The following ATRX variants were observed in gnomAD, a reference collection of about 807,000 sequenced individuals.
The protein encoded by ATRX is chromatin remodeler ATRX.
A neutral mutation model predicts 172.6 loss-of-function variants in ATRX; 12 were observed. The ratio of observed to expected loss-of-function variants is 0.07; its 90% CI spans 0.04 to 0.11. The LOEUF is 0.11. Among genes scored for constraint, ATRX ranks in the 10% least tolerant of loss-of-function variants. The pLI is 1.00. For missense variants in ATRX, 1,368 were observed against 1,767.4 expected (o/e 0.77, Z 4.05); for synonymous variants, 674 against 594.7 (o/e 1.13, Z -1.94).
intron 2 of ATRX, among the ~76,000 whole-genome samples, chrX:77,700,366 A>G (rs1438741653): frequency 1.8e-5 from 2 of 111,929 alleles, no homozygotes; most frequent in Non-Finnish European, 3.8e-5. Flanking sequence ...GGAGCAAAAG[A>G]AACTATCATT....
chrX:77,514,843 C>T (rs1257606588), intron 34 of ATRX, among the ~76,000 whole-genome samples: 1 of 112,034 alleles, frequency 8.9e-6, no homozygotes, highest in Non-Finnish European at 1.9e-5. Flanking sequence ...TACAGAATTG[C>T]AGAAAAGTTT....
chrX:77,517,119 T>G (rs782531444), intron 34 of ATRX, among the ~76,000 whole-genome samples: 60 of 106,046 alleles, frequency 5.7e-4, no homozygotes, highest in Admixed American at 5.3e-3. Flanking sequence ...AGTGCGTGCA[T>G]CAGAAAAGAA....
At chrX:77,697,461 A>G in intron 4 of ATRX, 122 bp downstream of exon 4, 3 of 623,885 alleles carry the variant, frequency 4.8e-6, no homozygotes, top group Non-Finnish European at 7.6e-6. Flanking sequence ...AAATATGTAT[A>G]TTTGTATAGA....
intron 2 of ATRX, among the ~76,000 whole-genome samples, chrX:77,706,695 T>C (rs1557157178): frequency 9.2e-6 from 1 of 108,152 alleles, no homozygotes; most frequent in Non-Finnish European, 1.9e-5. Flanking sequence ...AGGCCAGGAG[T>C]TCAAGCTCAG....
At chrX:77,540,285 CACCCAAT>C (rs1350848744) in intron 30 of ATRX, among the ~76,000 whole-genome samples, 4 of 111,367 alleles carry the variant, frequency 3.6e-5, no homozygotes, top group African/African-American at 9.8e-5. Flanking sequence ...AATATATATG[CACCCAAT>C]ACAAGAGCAC....
intron 28 of ATRX, among the ~76,000 whole-genome samples, chrX:77,572,549 GT>G (rs1179616838): frequency 9.0e-6 from 1 of 110,744 alleles, no homozygotes; most frequent in Non-Finnish European, 1.9e-5. Context: ...ACATTTCAAT[GT>G]TTTTCCCTAC....
At chrX:77,566,126 C>A (rs984612677) in intron 28 of ATRX, among the ~76,000 whole-genome samples, 1 of 111,094 alleles carries the variant, frequency 9.0e-6, no homozygotes, top group African/African-American at 3.3e-5. Flanking sequence ...TGAAAATTAC[C>A]AAAATGTATT....
intron 24 of ATRX, 30 bp from the exon 25 acceptor site, chrX:77,599,610 AAC>A (rs1557085996): frequency 2.5e-6 from 3 of 1,204,780 alleles, no homozygotes; most frequent in South Asian, 1.8e-5. Context: ...CAAACAAAAA[AAC>A]ACATTCAGAT....
At chrX:77,697,797 CA>C (rs2072268303) in intron 3 of ATRX, among the ~76,000 whole-genome samples, 162 bp from the exon 4 acceptor site, 2 of 111,966 alleles carry the variant, frequency 1.8e-5, no homozygotes, top group African/African-American at 6.5e-5. Context: ...AATTCTCTAC[CA>C]CATAAGGAAC....
At chrX:77,692,277 T>C (rs2071934397) in intron 6 of ATRX, among the ~76,000 whole-genome samples, 1 of 111,588 alleles carries the variant, frequency 9.0e-6, no homozygotes, top group Non-Finnish European at 1.9e-5. Flanking sequence ...TAATTGAGGA[T>C]TCTCTTAAAT....
intron 25 of ATRX, among the ~76,000 whole-genome samples, chrX:77,597,599 C>G (rs1569528493): frequency 9.1e-6 from 1 of 110,369 alleles, no homozygotes; most frequent in Non-Finnish European, 1.9e-5. Context: ...AATTCAACAG[C>G]AAAAAAACAA....
chrX:77,505,301 G>A lies in ATRX; in HGVS notation c.*3050C>T. ...TGATAATGGAGGGAAAATGAACATAGCTAAGGGAAGGCTACAAAATATTCA... is the reference window on the plus strand; with the variant it reads ...TGATAATGGAGGGAAAATGAACATAACTAAGGGAAGGCTACAAAATATTCA... On this transcript the variant is annotated 3_prime_UTR_variant, in exon 35 of 35. Coordinates refer to ENST00000373344, the MANE Select transcript of ATRX (RefSeq NM_000489.6). 1 of 174,364 alleles carries A rather than the reference G, an allele frequency of 5.7e-6. No individual in the cohort carries two copies. Among genetic ancestry groups the A allele is most frequent in the East Asian group, 8.1e-5 (1 of 12,299 alleles). 14.4% of individuals were successfully genotyped at this position (174,364 alleles called of 1,213,427 possible).
intron 15 of ATRX, among the ~76,000 whole-genome samples, chrX:77,651,511 A>G (rs1263118098): frequency 8.9e-6 from 1 of 111,986 alleles, no homozygotes; most frequent in Non-Finnish European, 1.9e-5. Context: ...CTTAATGACT[A>G]TTTTAAGTTG....
chrX:77,747,460 G>A (rs1432964297), intron 1 of ATRX, among the ~76,000 whole-genome samples: 1 of 111,142 alleles, frequency 9.0e-6, no homozygotes, highest in Non-Finnish European at 1.9e-5. Flanking sequence ...GGAGAAGGGG[G>A]TTGCAGTGAG....
At chrX:77,716,998 A>G (rs1771577534) in intron 2 of ATRX, 133 bp downstream of exon 2, 1 of 527,038 alleles carries the variant, frequency 1.9e-6, no homozygotes, top group Admixed American at 3.6e-5. Flanking sequence ...AAAGCTTGCT[A>G]ATCTGTCATT....
chrX:77,731,789 C>T (rs2074308890), intron 1 of ATRX, among the ~76,000 whole-genome samples: 1 of 110,765 alleles, frequency 9.0e-6, no homozygotes, highest in Non-Finnish European at 1.9e-5. Context: ...TCAGGGAGAT[C>T]AGCCCTTCCC....
chrX:77,693,775 G>T, intron 6 of ATRX, 49 bp downstream of exon 6: 1 of 1,012,087 alleles, frequency 9.9e-7, no homozygotes, highest in South Asian at 1.9e-5. Flanking sequence ...TTTCCAATAT[G>T]GTCATAAACA....
chrX:77,754,669 C>CACT (rs782202649), intron 1 of ATRX, among the ~76,000 whole-genome samples: 55 of 111,982 alleles, frequency 4.9e-4, no homozygotes, highest in African/African-American at 1.7e-3. Context: ...TATTGGCCCC[C>CACT]ACTCTCTTCT....
intron 22 of ATRX, among the ~76,000 whole-genome samples, chrX:77,613,089 T>A (rs1436702320): frequency 9.0e-6 from 1 of 110,868 alleles, no homozygotes; most frequent in Non-Finnish European, 1.9e-5. Context: ...AGTTCCTGCT[T>A]TCAATTCTTC....
Sources: allele counts gnomAD v4.1 joint callset (sites outside exome capture counted in the v4.1 genomes callset), GRCh38; gene constraint gnomAD v4.1.1; transcripts MANE v1.5; gene names NCBI Gene and HGNC (gene_info 2026-07-23, HGNC 2026-07-21).